The following PDE4D variants were observed in gnomAD, a reference collection of about 807,000 sequenced individuals.
PDE4D encodes the protein 3',5'-cyclic-AMP phosphodiesterase 4D.
A neutral mutation model predicts 87.4 loss-of-function variants in PDE4D; 24 were observed. The ratio of observed to expected loss-of-function variants is 0.27; its 90% CI spans 0.20 to 0.39. The LOEUF is 0.39. Ranked by LOEUF, PDE4D falls within the 10% of genes least tolerant of loss-of-function variation. The pLI is 1.00. For missense variants in PDE4D, 714 were observed against 1,041.0 expected (o/e 0.69, Z 4.32); for synonymous variants, 384 against 383.2 (o/e 1.00, Z -0.02).
intron 1 of PDE4D, among the ~76,000 whole-genome samples, chr5:59,313,771 C>T (rs1773154136): frequency 6.6e-6 from 1 of 152,152 alleles, no homozygotes; most frequent in Admixed American, 6.6e-5. Context: ...TGTACCCACC[C>T]AGGTCCTTAT....
In PDE4D at chr5:59,768,628, G is replaced by T. The variant is rs151114106; in HGVS notation, c.455+124540C>A. 3.9e-4 allele frequency: 592 copies of T among 1,530,928 alleles called. 2 individuals carry two copies. In the African/African-American group the frequency reaches 6.2e-3, roughly 16 times the overall value. The allele number at this position is 1,530,928 out of a possible 1,614,324, so 94.8% of individuals were successfully genotyped here. ...CCTGCTGCTGTTAGTGCATTCAGTC[G>T]CCTGCCTCAGTCTCTCTGTAGAGCC... On this transcript the variant is annotated intron_variant, in intron 1 of 14. Transcript: ENST00000340635.
intron 2 of PDE4D, among the ~76,000 whole-genome samples, chr5:60,010,864 A>G (rs1230922041): frequency 6.6e-6 from 1 of 152,176 alleles, no homozygotes; most frequent in Non-Finnish European, 1.5e-5. Context: ...GGTATTATCT[A>G]AAATAAACTC....
At chr5:60,134,164 G>T (rs1311453782) in intron 2 of PDE4D, among the ~76,000 whole-genome samples, 1 of 151,962 alleles carries the variant, frequency 6.6e-6, no homozygotes, top group Non-Finnish European at 1.5e-5. Flanking sequence ...TAATACAACT[G>T]GTTTCATTTT....
At chr5:59,715,626 A>C (rs1754905023) in intron 1 of PDE4D, among the ~76,000 whole-genome samples, 1 of 152,228 alleles carries the variant, frequency 6.6e-6, no homozygotes, top group South Asian at 2.1e-4. Context: ...CCTTGTGGTT[A>C]GGCACCTGGA....
chr5:60,458,483 C>T (rs896131977), intron 1 of PDE4D, among the ~76,000 whole-genome samples: 11 of 151,786 alleles, frequency 7.2e-5, no homozygotes, highest in African/African-American at 2.7e-4. Flanking sequence ...GACACGTCTC[C>T]CTCTCCTGGC....
chr5:59,687,895 CAAAA>C (rs1188260613), intron 1 of PDE4D, among the ~76,000 whole-genome samples: 1 of 150,822 alleles, frequency 6.6e-6, no homozygotes, highest in South Asian at 2.1e-4. Context: ...ACATGGAAAA[CAAAA>C]AAAAGGTGGG....
chr5:59,742,226 G>C, intron 1 of PDE4D, among the ~76,000 whole-genome samples: 1 of 152,078 alleles, frequency 6.6e-6, no homozygotes, highest in Non-Finnish European at 1.5e-5. Context: ...ACCATATTTG[G>C]TGAATTTTTA....
At chr5:59,230,734 A>G (rs1027983502) in intron 1 of PDE4D, among the ~76,000 whole-genome samples, 1 of 152,208 alleles carries the variant, frequency 6.6e-6, no homozygotes, top group African/African-American at 2.4e-5. Context: ...TCAGGAAACC[A>G]TTCACCAGCC....
At chr5:60,127,916 C>T (rs1022826646) in intron 2 of PDE4D, among the ~76,000 whole-genome samples, 1 of 151,918 alleles carries the variant, frequency 6.6e-6, no homozygotes, top group African/African-American at 2.4e-5. Context: ...TGAGGCATTG[C>T]CAACACTTAA....
intron 1 of PDE4D, among the ~76,000 whole-genome samples, chr5:60,245,755 A>G (rs1274402716): frequency 2.0e-5 from 3 of 151,896 alleles, no homozygotes; most frequent in Non-Finnish European, 2.9e-5. Context: ...GATAGATGGT[A>G]AAGGGATGGT....
chr5:60,345,566 CAA>C (rs529743142), intron 1 of PDE4D, among the ~76,000 whole-genome samples: 42 of 124,442 alleles, frequency 3.4e-4, no homozygotes, highest in African/African-American at 4.1e-4. Flanking sequence ...CTTCCCTCTC[CAA>C]AAAAAAAAAA....
chr5:59,771,544 A>AAGAAAGAAAGAAAGAC (rs1487399219), intron 1 of PDE4D, among the ~76,000 whole-genome samples: 1 of 149,098 alleles, frequency 6.7e-6, no homozygotes, highest in Non-Finnish European at 1.5e-5. Context: ...GAAAGAAAGA[A>AAGAAAGAAAGAAAGAC]AGAAAGAAAA....
At chr5:59,771,458 A>AGAG (rs1491473983) in intron 1 of PDE4D, among the ~76,000 whole-genome samples, 3 of 78,952 alleles carry the variant, frequency 3.8e-5, no homozygotes, top group African/African-American at 1.2e-4. Flanking sequence ...AGAAAGAAAG[A>AGAG]AAGAAAGAAA....
intron 2 of PDE4D, among the ~76,000 whole-genome samples, chr5:60,053,278 T>G (rs1770402705): frequency 6.6e-6 from 1 of 152,202 alleles, no homozygotes; most frequent in East Asian, 1.9e-4. Context: ...TCATGCTACC[T>G]GACTTCAAAC....
intron 1 of PDE4D, among the ~76,000 whole-genome samples, chr5:60,350,439 G>A (rs1314838533): frequency 6.6e-6 from 1 of 152,152 alleles, no homozygotes; most frequent in Non-Finnish European, 1.5e-5. Context: ...AACTGAGGTA[G>A]GCCAGAAACT....
intron 1 of PDE4D, among the ~76,000 whole-genome samples, chr5:59,301,763 A>AGAGT (rs1164313455): frequency 1.3e-5 from 2 of 152,084 alleles, no homozygotes; most frequent in African/African-American, 4.8e-5. Context: ...GGCAGATATG[A>AGAGT]GCAGGGTAGG....
In PDE4D at chr5:60,495,604, A is replaced by T. The variant is rs1749770182; in HGVS notation, n.70+26447T>A. On this transcript the variant is annotated intron_variant and non_coding_transcript_variant, in intron 1 of 2. Transcript: ENST00000506510. ...CTAGCTAGCATTATTACCAATCAGA[A>T]TCAATCCCAACTTCATAGATTCTAC... is the stretch of plus-strand genomic sequence containing the variant. Among the ~76,000 whole-genome samples the T allele has an allele frequency of 2.0e-5, 3 of 152,360 alleles. No individual in the cohort carries two copies. The South Asian group carries it at 6.2e-4, about 32-fold the overall frequency.
chr5:59,299,413 G>T (rs1426487824), intron 1 of PDE4D, among the ~76,000 whole-genome samples: 2 of 152,122 alleles, frequency 1.3e-5, no homozygotes, highest in African/African-American at 4.8e-5. Context: ...TTTTTTCAGA[G>T]ATCCTTCCAT....
intron 1 of PDE4D, among the ~76,000 whole-genome samples, chr5:59,461,129 T>C (rs1257526102): frequency 2.0e-5 from 3 of 152,142 alleles, no homozygotes; most frequent in African/African-American, 7.2e-5. Context: ...TTGTTCTGTT[T>C]ACAACTTCAT....
Sources: gnomAD v4.1 joint callset for allele counts (sites outside exome capture counted in the v4.1 genomes callset) on GRCh38, gnomAD v4.1.1 for gene constraint, MANE v1.5 for transcripts, NCBI Gene and HGNC (gene_info 2026-07-23, HGNC 2026-07-21) for gene names.